The following TNRC6C variants were observed in gnomAD, a reference collection of about 807,000 sequenced individuals.
TNRC6C encodes trinucleotide repeat-containing gene 6C protein.
Under a neutral mutation model 153.7 loss-of-function variants are expected in TNRC6C, and 20 were observed. The ratio of observed to expected loss-of-function variants is 0.13; its 90% CI spans 0.09 to 0.19. TNRC6C has a LOEUF of 0.19. Ranked by LOEUF, TNRC6C falls within the 10% of genes least tolerant of loss-of-function variation. TNRC6C has a pLI of 1.00. For synonymous variants in TNRC6C, 811 were observed against 841.4 expected (o/e 0.96, Z 0.63); for missense variants, 1,987 against 2,172.0 (o/e 0.91, Z 1.69).
Position 77,986,242 on chromosome 17 carries a change from C to T in TNRC6C, c.-37-17928C>T, listed in dbSNP as rs556801103. Among the ~76,000 whole-genome samples, 3 of 152,094 alleles carry T rather than the reference C, an allele frequency of 2.0e-5. No homozygotes were observed. In the South Asian group the frequency reaches 6.2e-4, roughly 32 times the overall value. ...ACCATCCTGACCAACATGGAGAAAC[C>T]TCGTCTCTATTAAAAATACAAAATT... On this transcript the variant is annotated intron_variant, in intron 1 of 22. Transcript: ENST00000636222.
chr17:78,002,142 T>C (rs896725138), upstream of TNRC6C, among the ~76,000 whole-genome samples: 2 of 152,224 alleles, frequency 1.3e-5, no homozygotes, highest in African/African-American at 2.4e-5. Flanking sequence ...ATAATTTCAC[T>C]GTGCAAGGTA....
chr17:78,044,370 A>T (rs367903824), intron 2 of TNRC6C, among the ~76,000 whole-genome samples: 3 of 152,342 alleles, frequency 2.0e-5, no homozygotes, highest in Admixed American at 6.5e-5. Flanking sequence ...CATTCATTCA[A>T]TGTATGTTTA....
upstream of TNRC6C, among the ~76,000 whole-genome samples, chr17:78,003,518 C>G (rs1421912563): frequency 2.0e-5 from 3 of 152,070 alleles, no homozygotes; most frequent in Non-Finnish European, 1.5e-5. Context: ...ATTAGAAGAT[C>G]AAGTTGAATC....
At chr17:78,064,933 A>C (rs774746036) in exon 4 of TNRC6C, 1 of 1,607,498 alleles carries the variant, frequency 6.2e-7, no homozygotes, top group Admixed American at 1.7e-5. Flanking sequence ...CCCTGTGCAA[A>C]CCAGGTAAGC....
Position 78,104,744 on chromosome 17 carries a change from C to T in TNRC6C, c.4972C>T (p.Leu1658=). Residue 1658 remains leucine, a synonymous_variant, in exon 20 of 20, where the codon CTG becomes TTG. Transcript: ENST00000301624. This position sits in a 1 kb window ranked among gnomAD's most constrained non-coding sequence, Gnocchi z 6.2. Reference sequence around the variant, plus strand: ...CGGGGTGCCCCAGTACTCCAGCAGCCTGTGGGGCCCGCCCAGCGCCGACGA... The same window carrying T: ...CGGGGTGCCCCAGTACTCCAGCAGCTTGTGGGGCCCGCCCAGCGCCGACGA... 5 of 1,509,724 alleles carry T rather than the reference C, an allele frequency of 3.3e-6. No homozygotes were observed. The highest frequency in any genetic ancestry group is 4.4e-6 in the Non-Finnish European group (5 of 1,130,522). The allele number at this position is 1,509,724 out of a possible 1,614,324, so 93.5% of individuals were successfully genotyped here.
upstream of TNRC6C, among the ~76,000 whole-genome samples, chr17:78,001,922 A>G (rs1244699030): frequency 2.0e-5 from 3 of 152,338 alleles, no homozygotes; most frequent in South Asian, 2.1e-4. Flanking sequence ...TTGATCATGT[A>G]TATTTAAACG....
At chr17:78,001,721 AG>A (rs2071415548), upstream of TNRC6C, among the ~76,000 whole-genome samples, 1 of 152,206 alleles carries the variant, frequency 6.6e-6, no homozygotes, top group Non-Finnish European at 1.5e-5. Flanking sequence ...GTTTTTATAC[AG>A]TTACACGAGC....
chr17:78,081,538 A>G (rs1039222680), intron 10 of TNRC6C, among the ~76,000 whole-genome samples: 4 of 152,224 alleles, frequency 2.6e-5, no homozygotes, highest in African/African-American at 9.7e-5. Flanking sequence ...AGAGGCCTCA[A>G]AAAACAGTAG....
intron 17 of TNRC6C, 44 bp from the exon 21 acceptor site, chr17:78,102,430 C>G: frequency 6.4e-7 from 1 of 1,564,038 alleles, no homozygotes; most frequent in Non-Finnish European, 8.7e-7. Context: ...GCACTATCCA[C>G]TGGCACGGGG....
At chr17:78,051,350 C>T in exon 3 of TNRC6C, 1 of 1,551,554 alleles carries the variant, frequency 6.4e-7, no homozygotes, top group Non-Finnish European at 8.7e-7. Flanking sequence ...ACCACCACCA[C>T]CACCACCACT....
intron 3 of TNRC6C, 59 bp from the exon 6 acceptor site, chr17:78,064,663 T>G: frequency 6.7e-7 from 1 of 1,489,402 alleles, no homozygotes; most frequent in Non-Finnish European, 9.3e-7. Flanking sequence ...CTGAATTATA[T>G]TTTTGCTTTT....
exon 20 of TNRC6C, chr17:78,105,442 A>G (rs1252600399): frequency 6.6e-6 from 1 of 152,116 alleles, no homozygotes; most frequent in East Asian, 1.9e-4. Context: ...TTTTTATCCC[A>G]AAAAATATTT....
In TNRC6C at chr17:77,964,126, G is replaced by T. The variant is rs976584670; in HGVS notation, c.-38+4858G>T. Among the ~76,000 whole-genome samples the T allele has an allele frequency of 2.0e-5, 3 of 152,272 alleles. No individual in the cohort carries two copies. The East Asian group carries it at 5.8e-4, about 29-fold the overall frequency. On this transcript the variant is annotated intron_variant, in intron 1 of 22. Coordinates refer to the TNRC6C transcript ENST00000636222. Reference sequence around the variant, plus strand: ...TTTGGCCCAGTTTCCACTTTCTCATGAACCTTTTTGGCATAACAAATTTTT... The same window carrying T: ...TTTGGCCCAGTTTCCACTTTCTCATTAACCTTTTTGGCATAACAAATTTTT...
upstream of TNRC6C, among the ~76,000 whole-genome samples, chr17:77,958,771 C>A (rs1432411279): frequency 6.7e-6 from 1 of 149,882 alleles, no homozygotes; most frequent in South Asian, 2.1e-4. Context: ...GAGCCGTAGC[C>A]GCCGCCGCCG....
At chr17:77,963,060 G>A (rs1052604057) in intron 1 of TNRC6C, among the ~76,000 whole-genome samples, 1 of 152,172 alleles carries the variant, frequency 6.6e-6, no homozygotes, top group African/African-American at 2.4e-5. Flanking sequence ...TTAAATAATT[G>A]TGTGGTCACG....
chr17:78,075,014 C>A lies in TNRC6C; in HGVS notation c.2918-122C>A. Reference sequence around the variant, plus strand: ...AAGCAAGGGCTCTCTCTGCCCCTGGCTTCCCTGTGTTTGAAGGGGTGGAGG... The same window carrying A: ...AAGCAAGGGCTCTCTCTGCCCCTGGATTCCCTGTGTTTGAAGGGGTGGAGG... On this transcript the variant is annotated intron_variant, in intron 7 of 19. Transcript: ENST00000301624. The surrounding 1 kb of genome is among the most constrained non-coding windows in gnomAD (Gnocchi z 4.2). 7.8e-7 allele frequency: 1 copy of A among 1,284,566 alleles called. No homozygotes were observed. Among genetic ancestry groups the A allele is most frequent in the South Asian group, 1.5e-5 (1 of 68,644 alleles). 79.6% of individuals were successfully genotyped at this position (1,284,566 alleles called of 1,614,324 possible).
At chr17:77,974,160 T>A (rs1013410145) in intron 1 of TNRC6C, among the ~76,000 whole-genome samples, 1 of 151,956 alleles carries the variant, frequency 6.6e-6, no homozygotes, top group African/African-American at 2.4e-5. Flanking sequence ...ATCATAAAGC[T>A]AGTAAGGGAC....
rs768149845 is a variant in TNRC6C at position 78,079,370 on chromosome 17, C to T, written c.3211-25C>T. On this transcript the variant is annotated intron_variant, in intron 9 of 19. Coordinates refer to ENST00000301624, the Ensembl canonical transcript of TNRC6C. The surrounding 1 kb of genome is among the most constrained non-coding windows in gnomAD (Gnocchi z 4.3). The stretch of plus-strand genomic sequence containing the variant: ...GTTACTCTAATGCCTGCCTTGGTAA[C>T]GTGTTTAATTCTGTCCCTGTGCAGA... The T allele has an allele frequency of 3.7e-5, 59 of 1,607,292 alleles. No homozygotes were observed. Among genetic ancestry groups the T allele is most frequent in the Non-Finnish European group, 4.7e-5 (55 of 1,174,544 alleles).
At chr17:78,091,732 A>G in intron 14 of TNRC6C, 125 bp downstream of exon 16, 1 of 1,136,306 alleles carries the variant, frequency 8.8e-7, no homozygotes, top group Non-Finnish European at 1.1e-6. Flanking sequence ...ATTTAAAATA[A>G]CCCATTCCAT....
Sources: allele counts gnomAD v4.1 joint callset (sites outside exome capture counted in the v4.1 genomes callset), GRCh38; gene constraint gnomAD v4.1.1; non-coding constraint Gnocchi (gnomAD v3.1); transcripts MANE v1.5; gene names NCBI Gene and HGNC (gene_info 2026-07-23, HGNC 2026-07-21).